The following SRD5A3 variants were observed in gnomAD, a reference collection of about 807,000 sequenced individuals.
The protein encoded by SRD5A3 is steroid 5 alpha-reductase 3, also known as polyprenal reductase.
In SRD5A3, 24 loss-of-function variants were observed where a neutral mutation model predicts 34.3. The ratio of observed to expected loss-of-function variants is 0.70; its 90% confidence interval spans 0.51 to 0.99. The LOEUF (loss-of-function observed/expected upper bound fraction) is 0.99, where lower values mean the gene tolerates loss of function less well. Ranked by LOEUF, SRD5A3 falls within the 50% of genes least tolerant of loss-of-function variation. The pLI is 0.00. For missense variants in SRD5A3, 350 were observed against 388.2 expected (o/e 0.90, Z 0.83); for synonymous variants, 161 against 167.3 (o/e 0.96, Z 0.29).
At chr4:55,359,648 G>A (rs1054389570) in intron 2 of SRD5A3, among the ~76,000 whole-genome samples, 160 bp downstream of exon 2, 2 of 152,178 alleles carry the variant, frequency 1.3e-5, no homozygotes, top group African/African-American at 2.4e-5. Context: ...ACGGTTCATT[G>A]CCGGATGGCC....
chr4:55,371,611 T>C lies in SRD5A3; in HGVS notation c.*1520T>C, dbSNP rs1720128142. 1 of 152,186 alleles carries C rather than the reference T, an allele frequency of 6.6e-6. No individual in the cohort carries two copies. The highest frequency in any genetic ancestry group is 2.4e-5 in the African/African-American group (1 of 41,454). 9.4% of individuals were successfully genotyped at this position (152,186 alleles called of 1,614,324 possible). A position where few individuals can be genotyped will look rare whatever the true frequency, so the allele number is the denominator to read the frequency against. On this transcript the variant is annotated 3_prime_UTR_variant, in exon 5 of 5. Transcript: ENST00000264228. The stretch of plus-strand genomic sequence containing the variant: ...GCATAGTCAATCATTCCCACCCCCA[T>C]CCCTGGAGCTGTAACCCAAAACTGT...
intron 1 of SRD5A3, among the ~76,000 whole-genome samples, chr4:55,357,549 A>C (rs933783261): frequency 6.6e-6 from 1 of 151,334 alleles, no homozygotes; most frequent in Non-Finnish European, 1.5e-5. Context: ...GCCTTGATGC[A>C]TGAACTTCTG....
chr4:55,349,332 G>A (rs991447305), intron 1 of SRD5A3, among the ~76,000 whole-genome samples: 17 of 152,112 alleles, frequency 1.1e-4, no homozygotes, highest in African/African-American at 1.9e-4. Context: ...CACTGCACCC[G>A]GCCCTCTAGC....
chr4:55,367,590 TACATAACAGGGAA>T lies in SRD5A3; in HGVS notation c.567_579del (p.Tyr189Ter), dbSNP rs755657961. On this transcript the variant is annotated frameshift_variant, in exon 4 of 5. Transcript: ENST00000264228. LOFTEE classifies it high-confidence loss of function. ...GCTAACAATTCTCATTCCTATAGCC[TACATAACAGGGAA>T]AAATCTATTGATGCAAGCACGGTGG... The T allele has an allele frequency of 6.2e-7, 1 of 1,614,038 alleles. No individual in the cohort carries two copies. Among genetic ancestry groups the T allele is most frequent in the Non-Finnish European group, 8.5e-7 (1 of 1,180,024 alleles).
intron 4 of SRD5A3, 84 bp from the exon 5 acceptor site, chr4:55,369,748 T>A (rs1485157351): frequency 6.0e-6 from 9 of 1,504,210 alleles, no homozygotes; most frequent in Non-Finnish European, 8.2e-6. Flanking sequence ...AAAAAAAAAA[T>A]TCTGTAAATG....
rs886059484 is a variant in SRD5A3, at chr4:55,372,895, C to G, written c.*2804C>G. 1 of 149,694 alleles carries G rather than the reference C, an allele frequency of 6.7e-6. No individual in the cohort carries two copies. Among genetic ancestry groups the G allele is most frequent in the Non-Finnish European group, 1.5e-5 (1 of 67,784 alleles). The allele number at this position is 149,694 out of a possible 1,614,324, so 9.3% of individuals were successfully genotyped here. ...TCTCTACAAAGCTGTGCCCTGTATTCGATTTTTACTTCAATGAGTGGTTAT... is the reference window on the plus strand; with the variant it reads ...TCTCTACAAAGCTGTGCCCTGTATTGGATTTTTACTTCAATGAGTGGTTAT... On this transcript the variant is annotated 3_prime_UTR_variant, in exon 5 of 5. Transcript: ENST00000264228.
chr4:55,355,983 T>A lies in SRD5A3; in HGVS notation c.222-3363T>A, dbSNP rs544166320. Among the ~76,000 whole-genome samples, 3 of 150,262 alleles carry A rather than the reference T, an allele frequency of 2.0e-5. No individual in the cohort carries two copies. The East Asian group carries it at 5.9e-4, about 29-fold the overall frequency. On this transcript the variant is annotated intron_variant, in intron 1 of 4. Transcript: ENST00000264228. ...AAATAATAATGAAATATATGACCAA[T>A]GCTTTCTTTTGCCTCCATTTTTTTT... is the stretch of plus-strand genomic sequence containing the variant.
At chr4:55,362,131 CTT>C (rs11356354) in intron 2 of SRD5A3, among the ~76,000 whole-genome samples, 15 of 142,704 alleles carry the variant, frequency 1.1e-4, no homozygotes, top group Admixed American at 1.4e-4. Context: ...TCTGTTTCTT[CTT>C]TTTTTTTTTT....
At chr4:55,367,818 T>C (rs1719962248) in intron 4 of SRD5A3, 96 bp downstream of exon 4, 3 of 1,494,420 alleles carry the variant, frequency 2.0e-6, no homozygotes, top group East Asian at 4.5e-5. Flanking sequence ...CCTAGTTAGT[T>C]GACTGTATCA....
rs745772963 is a variant in SRD5A3 at position 55,365,141 on chromosome 4, G to GATAGTA, written c.562+870_562+871insATAGTA. ...GACCTTGCAGCCTTAGTATCTGTCA[G>GATAGTA]TCTAGACCCCGTAGGTCTGTAATGA... On this transcript the variant is annotated intron_variant, in intron 3 of 4. Transcript: ENST00000264228. 4.1e-3 allele frequency among the ~76,000 whole-genome samples: 622 copies of GATAGTA among 152,288 alleles called. 4 individuals carry two copies. The highest frequency in any genetic ancestry group is 0.014 in the African/African-American group (586 of 41,548).
At chr4:55,368,203 C>A (rs1719975907) in intron 4 of SRD5A3, among the ~76,000 whole-genome samples, 1 of 151,694 alleles carries the variant, frequency 6.6e-6, no homozygotes, top group African/African-American at 2.4e-5. Flanking sequence ...ATGGCAAAAC[C>A]CCGTCTCTTC....
rs1578212417 is a variant in SRD5A3 at position 55,367,824 on chromosome 4, T to C, written c.697+102T>C. ...CCTTCCTGCCCTAGTTAGTTGACTG[T>C]ATCAAATATTGATTTTTGGCAAGAC... On this transcript the variant is annotated intron_variant, in intron 4 of 4. Coordinates refer to ENST00000264228, the MANE Select transcript of SRD5A3 (RefSeq NM_024592.5). The C allele has an allele frequency of 2.7e-6, 4 of 1,462,324 alleles. No homozygotes were observed. In the East Asian group the frequency reaches 9.1e-5, roughly 33 times the overall value. 90.6% of individuals were successfully genotyped at this position (1,462,324 alleles called of 1,614,324 possible).
At position 55,359,238 on chromosome 4, in the gene SRD5A3, T is replaced by C. The variant is rs938269609; in HGVS notation, c.222-108T>C. 8 of 1,443,092 alleles carry C rather than the reference T, an allele frequency of 5.5e-6. No individual in the cohort carries two copies. In the African/African-American group the frequency reaches 9.8e-5, roughly 18 times the overall value. The allele number at this position is 1,443,092 out of a possible 1,614,324, so 89.4% of individuals were successfully genotyped here. On this transcript the variant is annotated intron_variant, in intron 1 of 4. Coordinates refer to ENST00000264228, the MANE Select transcript of SRD5A3 (RefSeq NM_024592.5). ...TCTATTAAAAAGCAAAGGTATACTT[T>C]GGGAATGGAGGGGTGGGGAAAGACA...
Position 55,369,259 on chromosome 4 carries a change from C to T in SRD5A3, c.698-573C>T, listed in dbSNP as rs187929356. The stretch of plus-strand genomic sequence containing the variant: ...GGATTTAAACTTGTGCAGTCTGACT[C>T]TGGAGTAGTCTGAGCTCTTAATTAC... On this transcript the variant is annotated intron_variant, in intron 4 of 4. Transcript: ENST00000264228. 3.1e-3 allele frequency among the ~76,000 whole-genome samples: 471 copies of T among 152,310 alleles called. 2 individuals carry two copies. The highest frequency in any genetic ancestry group is 5.2e-3 in the Non-Finnish European group (354 of 68,032).
intron 1 of SRD5A3, chr4:55,352,455 T>A: frequency 1.4e-6 from 1 of 700,854 alleles, no homozygotes; most frequent in Admixed American, 2.0e-5. Flanking sequence ...AGAAGGGCTG[T>A]AGCCTTCACG....
rs1273140831 is a variant in SRD5A3 at position 55,371,720 on chromosome 4, C to G, written c.*1629C>G. The stretch of plus-strand genomic sequence containing the variant: ...CAGACTGGAGTGCAGTGGTGGGATC[C>G]TGGCTCACTGCAACCTCCGCCTTCT... On this transcript the variant is annotated 3_prime_UTR_variant, in exon 5 of 5. Coordinates refer to ENST00000264228, the MANE Select transcript of SRD5A3 (RefSeq NM_024592.5). The G allele has an allele frequency of 6.6e-6, 1 of 152,128 alleles. No homozygotes were observed. The highest frequency in any genetic ancestry group is 2.4e-5 in the African/African-American group (1 of 41,422). 9.4% of individuals were successfully genotyped at this position (152,128 alleles called of 1,614,324 possible).
chr4:55,367,697 C>A lies in SRD5A3; in HGVS notation c.672C>A (p.Leu224=). 2.5e-6 allele frequency: 4 copies of A among 1,614,132 alleles called. No individual in the cohort carries two copies. Among genetic ancestry groups the A allele is most frequent in the African/African-American group, 1.3e-5 (1 of 75,040 alleles). Residue 224 remains leucine (L), a synonymous_variant, in exon 4 of 5, where the codon CTC becomes CTA. Transcript: ENST00000264228. ...SAHQYKCHVI[L]GNLRKNKAGV... ...ATCAGTATAAGTGCCATGTTATTCT[C>A]GGCAATCTCAGGAAAAATAAAGCAG...
At chr4:55,359,131 G>A in intron 1 of SRD5A3, 1 of 567,684 alleles carries the variant, frequency 1.8e-6, no homozygotes, top group Non-Finnish European at 3.1e-6. Flanking sequence ...TAACCTCAGA[G>A]AGGCCTCTTT....
chr4:55,357,187 G>A (rs183097570), intron 1 of SRD5A3, among the ~76,000 whole-genome samples: 1 of 152,300 alleles, frequency 6.6e-6, no homozygotes, highest in Admixed American at 6.5e-5. Context: ...GATGTCTGCA[G>A]GTTTAGTTGT....
Sources: allele counts gnomAD v4.1 joint callset (sites outside exome capture counted in the v4.1 genomes callset), GRCh38; gene constraint gnomAD v4.1.1; transcripts MANE v1.5; gene names NCBI Gene and HGNC (gene_info 2026-07-23, HGNC 2026-07-21).